Variants in HLA-DMA observed in about 807,000 individuals in gnomAD.
HLA-DMA encodes the protein HLA class II histocompatibility antigen, DM alpha chain.
In HLA-DMA, 20 loss-of-function variants were observed where a neutral mutation model predicts 27.3. That is an observed-to-expected ratio of 0.73 (90% CI 0.52 to 1.07). HLA-DMA has a LOEUF of 1.07. Ranked by LOEUF, HLA-DMA falls within the 50% of genes least tolerant of loss-of-function variation. HLA-DMA has a pLI of 0.00. For missense variants in HLA-DMA, 241 were observed against 321.7 expected, an observed-to-expected ratio of 0.75 and a Z score of 1.92; for synonymous variants, 111 against 126.8, an observed-to-expected ratio of 0.88 and a Z score of 0.83.
chr6:32,951,442 C>T (rs541862616), intron 1 of HLA-DMA, among the ~76,000 whole-genome samples: 3 of 144,512 alleles, frequency 2.1e-5, no homozygotes, highest in Admixed American at 6.8e-5. Context: ...CCAACCTGGG[C>T]AACACAGCGA....
chr6:32,949,237 C>T lies in HLA-DMA; in HGVS notation c.781+34G>A, dbSNP rs2127479904. The T allele has an allele frequency of 1.2e-6, 2 of 1,613,842 alleles. No individual in the cohort carries two copies. Among genetic ancestry groups the T allele is most frequent in the Non-Finnish European group, 1.7e-6 (2 of 1,179,788 alleles). Reference sequence around the variant, plus strand: ...ACGCATGCACCACTGTATCTGGCTCCCACAGGCTCACCCGCCCCCTCCAGA... The same window carrying T: ...ACGCATGCACCACTGTATCTGGCTCTCACAGGCTCACCCGCCCCCTCCAGA... On this transcript the variant is annotated intron_variant, in intron 4 of 4. Coordinates refer to ENST00000374843, the MANE Select transcript of HLA-DMA (RefSeq NM_006120.4). The surrounding 1 kb of genome is among the most constrained non-coding windows in gnomAD (Gnocchi z 5.8).
rs116611693 is a variant in HLA-DMA at position 32,948,644 on chromosome 6, G to A, written c.*220C>T. 7 of 610,290 alleles carry A rather than the reference G, an allele frequency of 1.1e-5. No individual in the cohort carries two copies. The highest frequency in any genetic ancestry group is 2.9e-5 in the Admixed American group (1 of 34,850). The allele number at this position is 610,290 out of a possible 1,614,324, so 37.8% of individuals were successfully genotyped here. On this transcript the variant is annotated 3_prime_UTR_variant, in exon 5 of 5. Transcript: ENST00000374843. The stretch of plus-strand genomic sequence containing the variant: ...AAAGAAATGAGATTTATTGCCTTGT[G>A]GGGGGAAGGGATGTGGTTGTGATAG...
At position 32,949,362 on chromosome 6, in the gene HLA-DMA, A is replaced by T. The variant is rs769957567; in HGVS notation, c.690T>A (p.Asn230Lys). The change falls in exon 4 of 5, where the codon AAT (asparagine) becomes AAA (lysine). Residue 230 changes from asparagine to lysine, a missense_variant. Asn to Lys is a moderately conservative substitution (Grantham distance 94). Coordinates refer to ENST00000374843, the MANE Select transcript of HLA-DMA (RefSeq NM_006120.4). This position sits in a 1 kb window ranked among gnomAD's most constrained non-coding sequence, Gnocchi z 5.8. Reference protein sequence around the residue: ...RNALPSDLLENVLCGVAFGLG... With the variant: ...RNALPSDLLEKVLCGVAFGLG... ...GGCCAAAGGCCACGCCACACAGCAC[A>T]TTCTCCAGCAGATCTGAGGGCAGTG... The T allele has an allele frequency of 6.2e-7, 1 of 1,614,164 alleles. No individual in the cohort carries two copies. The highest frequency in any genetic ancestry group is 1.7e-5 in the Admixed American group (1 of 60,014).
Position 32,949,434 on chromosome 6 carries a change from G to A in HLA-DMA, c.653-35C>T. The A allele has an allele frequency of 6.2e-7, 1 of 1,612,514 alleles. No individual in the cohort carries two copies. Among genetic ancestry groups the A allele is most frequent in the Non-Finnish European group, 8.5e-7 (1 of 1,179,068 alleles). On this transcript the variant is annotated intron_variant, in intron 3 of 4. Transcript: ENST00000374843. This position sits in a 1 kb window ranked among gnomAD's most constrained non-coding sequence, Gnocchi z 5.8. ...ATGAGTGGCTCAGCCTGGGGACCTA[G>A]TTAGGGAGCCTCCCACCCAGGGAAA...
At chr6:32,951,596 A>C (rs1191016619) in intron 1 of HLA-DMA, among the ~76,000 whole-genome samples, 2 of 151,658 alleles carry the variant, frequency 1.3e-5, no homozygotes, top group Admixed American at 1.3e-4. Context: ...GTGCCACTGG[A>C]CTCCAGCCCA....
chr6:32,948,916 C>CCTCCTCCTT, intron 4 of HLA-DMA, 48 bp from the exon 5 acceptor site: 2 of 1,594,362 alleles, frequency 1.3e-6, no homozygotes, highest in East Asian at 4.5e-5. Flanking sequence ...GATCCATCCT[C>CCTCCTCCTT]CTCCTCCTTC....
In HLA-DMA at chr6:32,949,661, G is replaced by C. The variant is rs1295736701; in HGVS notation, c.602C>G (p.Ser201Cys). 1.9e-6 allele frequency: 3 copies of C among 1,612,998 alleles called. No homozygotes were observed. The highest frequency in any genetic ancestry group is 2.5e-6 in the Non-Finnish European group (3 of 1,180,048). ...GTCAATTTCGTGAGTCACAATGCAG[G>C]AGAAAATGTCAGAAGGTTCTGGTGT... ...NFTPEPSDIF[S>C]CIVTHEIDRY... Residue 201 changes from serine (S) to cysteine (C), a missense_variant, in exon 3 of 5, where the codon TCC (serine) becomes TGC (cysteine). Physicochemically the swap from Ser to Cys is moderately radical, Grantham distance 112. Coordinates refer to ENST00000374843, the MANE Select transcript of HLA-DMA (RefSeq NM_006120.4). This position sits in a 1 kb window ranked among gnomAD's most constrained non-coding sequence, Gnocchi z 5.8.
At position 32,949,349 on chromosome 6, in the gene HLA-DMA, C is replaced by T. The variant is rs9469319; in HGVS notation, c.703G>A (p.Val235Met). 4.3e-4 allele frequency: 699 copies of T among 1,614,134 alleles called. 5 individuals carry two copies. The African/African-American group carries it at 5.0e-3, about 11-fold the overall frequency. Reference protein sequence around the residue: ...SDLLENVLCGVAFGLGVLGII... With the variant: ...SDLLENVLCGMAFGLGVLGII... ...CCCAGCACACCCAGGCCAAAGGCCA[C>T]GCCACACAGCACATTCTCCAGCAGA... The change falls in exon 4 of 5, where the codon GTG becomes ATG. Residue 235 changes from valine (V) to methionine (M), a missense_variant. Physicochemically the swap from Val to Met is conservative, Grantham distance 21. Coordinates refer to ENST00000374843, the MANE Select transcript of HLA-DMA (RefSeq NM_006120.4). This position sits in a 1 kb window ranked among gnomAD's most constrained non-coding sequence, Gnocchi z 5.8.
Position 32,949,313 on chromosome 6 carries a change from C to A in HLA-DMA, c.739G>T (p.Gly247Cys). Residue 247 changes from glycine to cysteine, a missense_variant, in exon 4 of 5, where the codon GGC (glycine) becomes TGC (cysteine). Physicochemically the swap from Gly to Cys is radical, Grantham distance 159. Coordinates refer to ENST00000374843, the MANE Select transcript of HLA-DMA (RefSeq NM_006120.4). This position sits in a 1 kb window ranked among gnomAD's most constrained non-coding sequence, Gnocchi z 5.8. ...CGGAAGTAGATGATGAGAACAATGCCCACGATGATGCCCAGCACACCCAGG... is the reference window on the plus strand; with the variant it reads ...CGGAAGTAGATGATGAGAACAATGCACACGATGATGCCCAGCACACCCAGG... ...FGLGVLGIIV[G>C]IVLIIYFRKP... The A allele has an allele frequency of 1.2e-6, 2 of 1,614,204 alleles. No individual in the cohort carries two copies. The highest frequency in any genetic ancestry group is 1.7e-6 in the Non-Finnish European group (2 of 1,180,038).
rs1262379860 is a variant in HLA-DMA at position 32,952,985 on chromosome 6, G to A, written c.52C>T (p.Leu18=). 6.2e-7 allele frequency: 1 copy of A among 1,612,954 alleles called. No individual in the cohort carries two copies. Among genetic ancestry groups the A allele is most frequent in the East Asian group, 2.2e-5 (1 of 44,886 alleles). Residue 18 remains leucine, a synonymous_variant, in exon 1 of 5, where the codon CTG becomes TTG. Coordinates refer to ENST00000374843, the MANE Select transcript of HLA-DMA (RefSeq NM_006120.4). Reference sequence around the variant, plus strand: ...GCCCAGGAGTGGGGTAGCAGCCACAGAAGTGGTAACATCTGTAGCAGCGCA... The same window carrying A: ...GCCCAGGAGTGGGGTAGCAGCCACAAAAGTGGTAACATCTGTAGCAGCGCA... The part of the protein sequence containing the change: ...GAALLQMLPL[L]WLLPHSWAVP...
At position 32,951,000 on chromosome 6, in the gene HLA-DMA, C is replaced by A. The variant is rs1476398515; in HGVS notation, c.89-197G>T. Among the ~76,000 whole-genome samples, 2 of 152,042 alleles carry A rather than the reference C, an allele frequency of 1.3e-5. No individual in the cohort carries two copies. The highest frequency in any genetic ancestry group is 1.3e-4 in the Admixed American group (2 of 15,274). On this transcript the variant is annotated intron_variant, in intron 1 of 4. Coordinates refer to ENST00000374843, the MANE Select transcript of HLA-DMA (RefSeq NM_006120.4). This position sits in a 1 kb window ranked among gnomAD's most constrained non-coding sequence, Gnocchi z 5.0. Reference sequence around the variant, plus strand: ...TGAAACTCCGTCTCTACTAAAAATACAAAAAAGTAGCTGGGCATGTTGGCA... The same window carrying A: ...TGAAACTCCGTCTCTACTAAAAATAAAAAAAAGTAGCTGGGCATGTTGGCA...
rs751738550 is a variant in HLA-DMA, at chr6:32,950,553, C to T, written c.339G>A (p.Gly113=). 1.9e-6 allele frequency: 3 copies of T among 1,613,048 alleles called. No homozygotes were observed. The highest frequency in any genetic ancestry group is 2.5e-6 in the Non-Finnish European group (3 of 1,180,028). The part of the protein sequence containing the change: ...EFCEWMIQQI[G]PKLDGKIPVS... ...CCGGGATTTTCCCATCAAGTTTTGG[C>T]CCTATTTGCTGGATCATCCACTCGC... The change falls in exon 2 of 5, where the codon GGG becomes GGA. Residue 113 remains glycine, a synonymous_variant. Coordinates refer to ENST00000374843, the MANE Select transcript of HLA-DMA (RefSeq NM_006120.4). The surrounding 1 kb of genome is among the most constrained non-coding windows in gnomAD (Gnocchi z 5.0).
rs1776835346 is a variant in HLA-DMA at position 32,950,242 on chromosome 6, G to A, written c.373+277C>T. 1.7e-6 allele frequency: 1 copy of A among 593,502 alleles called. No homozygotes were observed. Among genetic ancestry groups the A allele is most frequent in the South Asian group, 2.1e-5 (1 of 47,604 alleles). The allele number at this position is 593,502 out of a possible 1,614,324, so 36.8% of individuals were successfully genotyped here. ...CCACTCTTCCCATCCATCTTGCTGG[G>A]CATAGTAGCACAAGTGTTAATATTC... On this transcript the variant is annotated intron_variant, in intron 2 of 4. Coordinates refer to ENST00000374843, the MANE Select transcript of HLA-DMA (RefSeq NM_006120.4). The surrounding 1 kb of genome is among the most constrained non-coding windows in gnomAD (Gnocchi z 5.0).
Position 32,948,748 on chromosome 6 carries a change from A to G in HLA-DMA, c.*116T>C. The G allele has an allele frequency of 8.3e-7, 1 of 1,201,866 alleles. No homozygotes were observed. Among genetic ancestry groups the G allele is most frequent in the Non-Finnish European group, 1.2e-6 (1 of 832,536 alleles). 74.5% of individuals were successfully genotyped at this position (1,201,866 alleles called of 1,614,324 possible). A position where few individuals can be genotyped will look rare whatever the true frequency, so the allele number is the denominator to read the frequency against. ...GGTGGGAAATCTACACACACACCCC[A>G]GGGATGTCCCAGAGACTTCTACCCT... On this transcript the variant is annotated 3_prime_UTR_variant, in exon 5 of 5. Transcript: ENST00000374843.
In HLA-DMA at chr6:32,948,775, AGAG is replaced by A. The variant is rs1250902372; in HGVS notation, c.*86_*88del. 1 of 1,449,242 alleles carries A rather than the reference AGAG, an allele frequency of 6.9e-7. No homozygotes were observed. The highest frequency in any genetic ancestry group is 9.7e-7 in the Non-Finnish European group (1 of 1,032,102). 89.8% of individuals were successfully genotyped at this position (1,449,242 alleles called of 1,614,324 possible). ...GGATGTCCCAGAGACTTCTACCCTA[AGAG>A]GAGATCCTGGGCAGGATGTGAGAAA... is the stretch of plus-strand genomic sequence containing the variant. On this transcript the variant is annotated 3_prime_UTR_variant, in exon 5 of 5. Transcript: ENST00000374843.
chr6:32,950,449 A>G lies in HLA-DMA; in HGVS notation c.373+70T>C. ...GAGATGGGGAGCTGGTATCAAGGGG[A>G]ATTATTCAGTGTACAGATCAATGAG... is the stretch of plus-strand genomic sequence containing the variant. On this transcript the variant is annotated intron_variant, in intron 2 of 4. Coordinates refer to ENST00000374843, the MANE Select transcript of HLA-DMA (RefSeq NM_006120.4). This position sits in a 1 kb window ranked among gnomAD's most constrained non-coding sequence, Gnocchi z 5.0. 1 of 1,511,248 alleles carries G rather than the reference A, an allele frequency of 6.6e-7. No homozygotes were observed. The highest frequency in any genetic ancestry group is 9.1e-7 in the Non-Finnish European group (1 of 1,100,288). 93.6% of individuals were successfully genotyped at this position (1,511,248 alleles called of 1,614,324 possible). A position where few individuals can be genotyped will look rare whatever the true frequency, so the allele number is the denominator to read the frequency against.
Position 32,953,073 on chromosome 6 carries a change from C to T in HLA-DMA, c.-37G>A. The T allele has an allele frequency of 6.6e-7, 1 of 1,522,300 alleles. No homozygotes were observed. Among genetic ancestry groups the T allele is most frequent in the South Asian group, 1.1e-5 (1 of 88,318 alleles). 94.3% of individuals were successfully genotyped at this position (1,522,300 alleles called of 1,614,324 possible). A position where few individuals can be genotyped will look rare whatever the true frequency, so the allele number is the denominator to read the frequency against. ...ACACAGTAGGTAGGAGCTACCAACCCAGCCAACCCAGCTTCCCCAACTCCC... is the reference window on the plus strand; with the variant it reads ...ACACAGTAGGTAGGAGCTACCAACCTAGCCAACCCAGCTTCCCCAACTCCC... On this transcript the variant is annotated 5_prime_UTR_variant, in exon 1 of 5. Transcript: ENST00000374843.
chr6:32,952,184 C>T (rs576406526), intron 1 of HLA-DMA: 1 of 387,700 alleles, frequency 2.6e-6, no homozygotes, highest in African/African-American at 2.1e-5. Context: ...ATGGGTTTCT[C>T]ACTCTTAGAA....
Position 32,952,260 on chromosome 6 carries a change from G to C in HLA-DMA, c.88+689C>G, listed in dbSNP as rs1439369574. 2.8e-5 allele frequency: 13 copies of C among 465,070 alleles called. No homozygotes were observed. In the Admixed American group the frequency reaches 2.9e-4, roughly 10 times the overall value. The allele number at this position is 465,070 out of a possible 1,614,324, so 28.8% of individuals were successfully genotyped here. ...ATGGGACTGCCTCCCACTATCCCCA[G>C]ACACAAATGGTAAATTGGAAAACCT... On this transcript the variant is annotated intron_variant, in intron 1 of 4. Coordinates refer to ENST00000374843, the MANE Select transcript of HLA-DMA (RefSeq NM_006120.4).
Sources: allele counts gnomAD v4.1 joint callset (sites outside exome capture counted in the v4.1 genomes callset), GRCh38; gene constraint gnomAD v4.1.1; non-coding constraint Gnocchi (gnomAD v3.1); transcripts MANE v1.5; gene names NCBI Gene and HGNC (gene_info 2026-07-23, HGNC 2026-07-21).